HMCN1: variants seen among roughly 807,000 people sequenced by gnomAD.
The protein encoded by HMCN1 is hemicentin-1.
In HMCN1, 321 loss-of-function variants were observed where a neutral mutation model predicts 625.9. That is an observed-to-expected ratio of 0.51 (90% CI 0.47 to 0.56). HMCN1 has a LOEUF of 0.56. Ranked by LOEUF, HMCN1 falls within the 20% of genes least tolerant of loss-of-function variation. The pLI is 0.00. For synonymous variants in HMCN1, 2,425 were observed against 2,417.6 expected, an observed-to-expected ratio of 1.00 and a Z score of -0.09; for missense variants, 6,588 against 6,887.3, an observed-to-expected ratio of 0.96 and a Z score of 1.54.
chr1:186,001,854 G>A (rs927438321), intron 28 of HMCN1, 113 bp downstream of exon 28: 1 of 876,654 alleles, frequency 1.1e-6, no homozygotes, highest in African/African-American at 1.7e-5. Context: ...AAAAACTATA[G>A]TTTCATTCTA....
intron 100 of HMCN1, among the ~76,000 whole-genome samples, chr1:186,170,123 A>T (rs1471219325): frequency 6.6e-6 from 1 of 152,242 alleles, no homozygotes; most frequent in Non-Finnish European, 1.5e-5. Context: ...ATGAGATACC[A>T]TCTTACGCAA....
In HMCN1 at chr1:186,153,906, C is replaced by T; in HGVS notation, c.15175C>T (p.Leu5059Phe). ...AAGAATGCCTTTCTTGGTTGAAACA[C>T]TTCATGCATCCTCTGTGGAATCTGA... is the stretch of plus-strand genomic sequence containing the variant. ...QGRMPFLVETLHASSVESDYN... is the reference protein window; with the variant it reads ...QGRMPFLVETFHASSVESDYN... The change falls in exon 97 of 107, where the codon CTT becomes TTT. Residue 5059 changes from leucine to phenylalanine, a missense_variant. Leu to Phe is a conservative substitution (Grantham distance 22, BLOSUM62 0). This residue lies in a region of HMCN1 where 1,954 missense variants were observed against 2,013.1 expected (regional missense o/e 0.97). Transcript: ENST00000271588. 1 of 1,614,144 alleles carries T rather than the reference C, an allele frequency of 6.2e-7. No individual in the cohort carries two copies. Among genetic ancestry groups the T allele is most frequent in the Non-Finnish European group, 8.5e-7 (1 of 1,180,018 alleles).
rs1357341318 is a variant in HMCN1, at chr1:186,078,115, G to GT, written c.8495dup (p.Leu2833ValfsTer7). 1 of 1,612,126 alleles carries GT rather than the reference G, an allele frequency of 6.2e-7. No homozygotes were observed. Among genetic ancestry groups the GT allele is most frequent in the Non-Finnish European group, 8.5e-7 (1 of 1,178,446 alleles). ...TGGGATATTATTTTCAGGAGGGCGA[G>GT]TGTTGCAGATTCCTCGGGCTAAAGT... On this transcript the variant is annotated frameshift_variant, in exon 55 of 107. Coordinates refer to ENST00000271588, the MANE Select transcript of HMCN1 (RefSeq NM_031935.3). LOFTEE classifies it high-confidence loss of function.
At chr1:185,847,919 C>G (rs1367562324) in intron 2 of HMCN1, among the ~76,000 whole-genome samples, 1 of 151,896 alleles carries the variant, frequency 6.6e-6, no homozygotes, top group African/African-American at 2.4e-5. Context: ...TACTACTACA[C>G]TACAGTGTGG....
intron 36 of HMCN1, among the ~76,000 whole-genome samples, chr1:186,025,467 T>G (rs1655003608): frequency 6.6e-6 from 1 of 152,122 alleles, no homozygotes; most frequent in African/African-American, 2.4e-5. Flanking sequence ...AAACAGCACC[T>G]CTAATGTAGG....
At chr1:186,037,170 T>A (rs1211557930) in intron 36 of HMCN1, among the ~76,000 whole-genome samples, 1 of 152,144 alleles carries the variant, frequency 6.6e-6, no homozygotes, top group South Asian at 2.1e-4. Context: ...TTTTTTTCTA[T>A]CAACTTCAGA....
chr1:185,961,948 T>A (rs1650052472), intron 11 of HMCN1, among the ~76,000 whole-genome samples: 1 of 152,144 alleles, frequency 6.6e-6, no homozygotes, highest in African/African-American at 2.4e-5. Flanking sequence ...CCATCAAAAG[T>A]TTTAAGTGTC....
At chr1:185,823,520 A>C (rs1485194627) in intron 1 of HMCN1, among the ~76,000 whole-genome samples, 1 of 152,030 alleles carries the variant, frequency 6.6e-6, no homozygotes, top group African/African-American at 2.4e-5. Context: ...TGCAAGTTTG[A>C]TGTTGCCTCA....
At chr1:185,777,800 C>T (rs1656726603) in intron 1 of HMCN1, among the ~76,000 whole-genome samples, 1 of 152,196 alleles carries the variant, frequency 6.6e-6, no homozygotes, top group African/African-American at 2.4e-5. Flanking sequence ...CTATTATCCT[C>T]CAGCTGGTTG....
chr1:186,068,730 G>A (rs185097863), intron 50 of HMCN1, among the ~76,000 whole-genome samples: 71 of 152,062 alleles, frequency 4.7e-4, no homozygotes, highest in Admixed American at 4.4e-3. Flanking sequence ...TTAGCTGGGC[G>A]TGGTGGCACA....
At chr1:186,045,652 T>C (rs903416597) in intron 40 of HMCN1, 36 bp from the exon 41 acceptor site, 3 of 1,529,954 alleles carry the variant, frequency 2.0e-6, no homozygotes, top group Non-Finnish European at 2.7e-6. Flanking sequence ...TGTGCTGGCC[T>C]GTTTTATCCT....
chr1:186,159,222 G>A (rs1000485528), intron 97 of HMCN1, among the ~76,000 whole-genome samples: 7 of 152,026 alleles, frequency 4.6e-5, no homozygotes, highest in African/African-American at 1.7e-4. Context: ...TCATGATTTG[G>A]CTCTCTGTCT....
chr1:186,188,096 G>A, intron 106 of HMCN1, 87 bp downstream of exon 106: 1 of 1,499,004 alleles, frequency 6.7e-7, no homozygotes, highest in Non-Finnish European at 9.3e-7. Flanking sequence ...CTCTTGTCAT[G>A]TGTAACTCAC....
intron 106 of HMCN1, 73 bp from the exon 107 acceptor site, chr1:186,189,439 T>C: frequency 6.4e-6 from 10 of 1,551,570 alleles, no homozygotes; most frequent in Non-Finnish European, 8.8e-6. Context: ...TTGTCATGGA[T>C]CATGATCACC....
chr1:185,892,968 G>A (rs905770799), intron 4 of HMCN1, among the ~76,000 whole-genome samples: 8 of 152,114 alleles, frequency 5.3e-5, no homozygotes, highest in South Asian at 2.1e-4. Flanking sequence ...GCGAGACTCC[G>A]TGGGGTAGGA....
chr1:186,165,116 C>T lies in HMCN1; in HGVS notation c.15262C>T (p.Arg5088Cys), dbSNP rs536109375. The change falls in exon 98 of 107, where the codon CGC becomes TGC. Residue 5088 changes from arginine (R) to cysteine (C), a missense_variant. Physicochemically the swap from Arg to Cys is radical, Grantham distance 180 (BLOSUM62 -3). Coordinates refer to ENST00000271588, the MANE Select transcript of HMCN1 (RefSeq NM_031935.3). ...TGCTTTCCTCTCTGTGGTAGGAGAT[C>T]GCAGTAATCAGTGCCCCTCCGGGTT... ...KIHASISKGD[R>C]SNQCPSGFTL... 7.4e-6 allele frequency: 12 copies of T among 1,613,890 alleles called. No individual in the cohort carries two copies. The highest frequency in any genetic ancestry group is 8.5e-6 in the Non-Finnish European group (10 of 1,179,888).
intron 4 of HMCN1, among the ~76,000 whole-genome samples, chr1:185,877,090 T>C (rs1180633419): frequency 1.3e-5 from 2 of 152,010 alleles, no homozygotes; most frequent in African/African-American, 4.8e-5. Context: ...TTGTATATTG[T>C]AAGAGATACA....
intron 1 of HMCN1, among the ~76,000 whole-genome samples, chr1:185,820,237 A>G (rs1395121038): frequency 1.3e-5 from 2 of 152,136 alleles, no homozygotes; most frequent in African/African-American, 4.8e-5. Context: ...TCCAAGAAAC[A>G]TGGATCCCAA....
Position 185,923,464 on chromosome 1 carries a change from A to C in HMCN1, c.1096A>C (p.Ser366Arg), listed in dbSNP as rs147355006. 2 of 1,609,626 alleles carry C rather than the reference A, an allele frequency of 1.2e-6. No homozygotes were observed. Among genetic ancestry groups the C allele is most frequent in the African/African-American group, 2.7e-5 (2 of 74,828 alleles). The change falls in exon 8 of 107, where the codon AGT becomes CGT. Residue 366 changes from serine to arginine, a missense_variant. Coordinates refer to ENST00000271588, the MANE Select transcript of HMCN1 (RefSeq NM_031935.3). Reference sequence around the variant, plus strand: ...TAGAATAGATCTTCTTGAACTTTTGAGTATCTCAGGAAGTTCTCTTAAGAC... The same window carrying C: ...TAGAATAGATCTTCTTGAACTTTTGCGTATCTCAGGAAGTTCTCTTAAGAC... ...PARIDLLELLSISGSSLKTIP... is the reference protein window; with the variant it reads ...PARIDLLELLRISGSSLKTIP...
Sources: allele counts gnomAD v4.1 joint callset (sites outside exome capture counted in the v4.1 genomes callset), GRCh38; gene constraint gnomAD v4.1.1; regional missense constraint gnomAD v4.1.1; transcripts MANE v1.5; gene names NCBI Gene and HGNC (gene_info 2026-07-23, HGNC 2026-07-21).